ELF1: variants seen among roughly 807,000 people sequenced by gnomAD.
ELF1 encodes E74 like ETS transcription factor 1, also known as ETS-related transcription factor Elf-1.
A neutral mutation model predicts 59.9 loss-of-function variants in ELF1; 24 were observed. The ratio of observed to expected loss-of-function variants is 0.40; its 90% CI spans 0.29 to 0.56. The LOEUF (loss-of-function observed/expected upper bound fraction) is 0.56, where lower values mean the gene tolerates loss of function less well. ELF1 is among the 20% of genes least tolerant of loss of function. The probability of loss-of-function intolerance (pLI) is 0.44; values close to 1 mark genes in which losing one functional copy is unlikely to be tolerated. For missense variants in ELF1, 627 were observed against 742.2 expected, an observed-to-expected ratio of 0.84 and a Z score of 1.80; for synonymous variants, 248 against 266.2, an observed-to-expected ratio of 0.93 and a Z score of 0.67.
At chr13:40,968,949 G>A (rs949498234) in intron 2 of ELF1, among the ~76,000 whole-genome samples, 12 of 151,980 alleles carry the variant, frequency 7.9e-5, no homozygotes, top group African/African-American at 2.9e-4. Flanking sequence ...CAAACTCCTG[G>A]GCTTAAGCAG....
At position 40,998,626 on chromosome 13, in the gene ELF1, A is replaced by C. The variant is rs1394870609; in HGVS notation, c.-228-16344T>G. 2.6e-5 allele frequency among the ~76,000 whole-genome samples: 4 copies of C among 152,230 alleles called. No homozygotes were observed. The South Asian group carries it at 6.2e-4, about 24-fold the overall frequency. On this transcript the variant is annotated intron_variant, in intron 1 of 8. Transcript: ENST00000239882. Reference sequence around the variant, plus strand: ...ATTGTACAAATCTTAGATAGAAGCAAACTTTAAATACCATTAATAAGTAAA... The same window carrying C: ...ATTGTACAAATCTTAGATAGAAGCACACTTTAAATACCATTAATAAGTAAA...
chr13:40,978,561 A>G (rs1229218538), intron 2 of ELF1, among the ~76,000 whole-genome samples: 3 of 152,068 alleles, frequency 2.0e-5, no homozygotes, highest in South Asian at 2.1e-4. Context: ...AGCGCACAAG[A>G]TATCACATTG....
intron 2 of ELF1, among the ~76,000 whole-genome samples, chr13:40,960,366 T>C (rs1385003853): frequency 6.6e-6 from 1 of 152,228 alleles, no homozygotes; most frequent in Non-Finnish European, 1.5e-5. Flanking sequence ...TCCTTTAATC[T>C]GAGAAGTTCT....
intron 3 of ELF1, among the ~76,000 whole-genome samples, chr13:40,955,284 AG>A (rs1411948211): frequency 7.3e-6 from 1 of 136,964 alleles, no homozygotes; most frequent in East Asian, 2.2e-4. Flanking sequence ...GGTGGGGGTC[AG>A]CCCCCCGCCC....
intron 1 of ELF1, among the ~76,000 whole-genome samples, chr13:41,018,120 T>C (rs1875525403): frequency 6.6e-6 from 1 of 152,226 alleles, no homozygotes; most frequent in Non-Finnish European, 1.5e-5. Context: ...ATCATTTTGG[T>C]CAACAAGAAA....
chr13:41,051,194 A>G (rs1402432108), intron 1 of ELF1, among the ~76,000 whole-genome samples: 3 of 152,102 alleles, frequency 2.0e-5, no homozygotes, highest in African/African-American at 7.2e-5. Context: ...ATTGTAGTTC[A>G]TGTGAAATGG....
intron 1 of ELF1, among the ~76,000 whole-genome samples, chr13:40,994,574 T>C (rs964447674): frequency 6.6e-6 from 1 of 151,972 alleles, no homozygotes; most frequent in Non-Finnish European, 1.5e-5. Context: ...ACCCAGGAGG[T>C]GGAAATTGCA....
At chr13:40,955,744 C>A (rs1279817975) in intron 3 of ELF1, among the ~76,000 whole-genome samples, 1 of 123,308 alleles carries the variant, frequency 8.1e-6, no homozygotes, top group Non-Finnish European at 1.8e-5. Context: ...GCCCCCCGCC[C>A]GGCCAGCCGC....
intron 3 of ELF1, among the ~76,000 whole-genome samples, chr13:40,954,168 A>G (rs573036598): frequency 8.7e-4 from 133 of 152,282 alleles, no homozygotes; most frequent in Non-Finnish European, 1.5e-3. Context: ...GTAACTCTAG[A>G]TTCAACAAAA....
chr13:41,012,082 G>A lies in ELF1; in HGVS notation c.-229+7146C>T, dbSNP rs542003164. On this transcript the variant is annotated intron_variant, in intron 1 of 8. Coordinates refer to ENST00000239882, the MANE Select transcript of ELF1 (RefSeq NM_172373.4). ...AGGACTTTGGGAGGCTAAGGTAGGC[G>A]GATCACTTCAGGTCAGGAATTCAAG... Among the ~76,000 whole-genome samples, 17 of 152,054 alleles carry A rather than the reference G, an allele frequency of 1.1e-4. No individual in the cohort carries two copies. In the East Asian group the frequency reaches 2.9e-3, roughly 26 times the overall value.
chr13:40,941,361 G>A lies in ELF1; in HGVS notation c.816C>T (p.Tyr272=), dbSNP rs142074159. The change falls in exon 8 of 9, where the codon TAC becomes TAT. Residue 272 remains tyrosine (Y), a synonymous_variant. Transcript: ENST00000239882. ...CCACTTTTGCCAGAATACCCCTTTG[G>A]TAATAGTACCTATTCAAAGCAGACA... ...ETMGRALRYY[Y]QRGILAKVEG... The A allele has an allele frequency of 5.9e-4, 937 of 1,592,222 alleles. 1 individual carries two copies. The highest frequency in any genetic ancestry group is 7.4e-4 in the Non-Finnish European group (872 of 1,172,498).
intron 2 of ELF1, among the ~76,000 whole-genome samples, chr13:40,966,927 C>T (rs1171669720): frequency 1.3e-5 from 2 of 152,210 alleles, no homozygotes; most frequent in Admixed American, 6.5e-5. Context: ...GTAGTTCACG[C>T]AACATCTTTG....
At chr13:41,059,278 C>A (rs949745738) in intron 1 of ELF1, among the ~76,000 whole-genome samples, 4 of 152,184 alleles carry the variant, frequency 2.6e-5, no homozygotes, top group Non-Finnish European at 4.4e-5. Flanking sequence ...CAGCTAATCA[C>A]AAAGACCAAA....
rs1484842091 is a variant in ELF1 at position 40,933,126 on chromosome 13, G to C, written c.*299C>G. On this transcript the variant is annotated 3_prime_UTR_variant, in exon 9 of 9. Coordinates refer to ENST00000239882, the MANE Select transcript of ELF1 (RefSeq NM_172373.4). ...AAAGAATCAGAAAATCTAATACAAT[G>C]TAAAATTAGAAAAGAAACTTTAAAA... The C allele has an allele frequency of 1.1e-5, 3 of 271,014 alleles. No homozygotes were observed. The Admixed American group carries it at 1.5e-4, about 13-fold the overall frequency. The allele number at this position is 271,014 out of a possible 1,614,324, so 16.8% of individuals were successfully genotyped here. A position where few individuals can be genotyped will look rare whatever the true frequency, so the allele number is the denominator to read the frequency against.
intron 5 of ELF1, among the ~76,000 whole-genome samples, chr13:40,948,326 T>G (rs1199699662): frequency 6.6e-6 from 1 of 152,132 alleles, no homozygotes; most frequent in East Asian, 1.9e-4. Context: ...TGCCAATGGG[T>G]GGATTTCTTT....
At chr13:41,058,464 T>C (rs1314579916) in intron 1 of ELF1, among the ~76,000 whole-genome samples, 1 of 152,244 alleles carries the variant, frequency 6.6e-6, no homozygotes, top group African/African-American at 2.4e-5. Context: ...GTTACTCCAG[T>C]AGCACTTCTA....
intron 1 of ELF1, among the ~76,000 whole-genome samples, chr13:41,046,874 G>T (rs775291642): frequency 1.3e-5 from 2 of 152,220 alleles, no homozygotes; most frequent in Admixed American, 6.5e-5. Context: ...ATATCCTGAA[G>T]AGTGTTTTCC....
At chr13:40,962,679 C>CAA (rs542393144) in intron 2 of ELF1, among the ~76,000 whole-genome samples, 1,465 of 69,170 alleles carry the variant, frequency 0.021, 12 homozygotes, top group African/African-American at 0.041. Flanking sequence ...AAGACTGTCT[C>CAA]AAAAAAAAAA....
At chr13:40,955,965 C>T (rs1440241886) in intron 3 of ELF1, among the ~76,000 whole-genome samples, 6 of 137,024 alleles carry the variant, frequency 4.4e-5, no homozygotes, top group South Asian at 2.5e-4. Context: ...GTCAGCCCCC[C>T]GCCCGGCCAG....
Sources: allele counts gnomAD v4.1 joint callset (sites outside exome capture counted in the v4.1 genomes callset), GRCh38; gene constraint gnomAD v4.1.1; transcripts MANE v1.5; gene names NCBI Gene and HGNC (gene_info 2026-07-23, HGNC 2026-07-21).